The following TM4SF4 variants were observed in gnomAD, a reference collection of about 807,000 sequenced individuals.
TM4SF4 encodes transmembrane 4 L six family member 4, also known as transmembrane 4 L6 family member 4.
TM4SF4 carries 24 observed loss-of-function variants against 24.1 expected under a neutral mutation model. The ratio of observed to expected loss-of-function variants is 1.00; its 90% confidence interval spans 0.72 to 1.40. The LOEUF (loss-of-function observed/expected upper bound fraction) is 1.40. Among genes scored for constraint, TM4SF4 ranks in the 40% most tolerant of loss-of-function variants. The pLI is 0.00. For synonymous variants in TM4SF4, 113 were observed against 97.0 expected (o/e 1.17, Z -0.97); for missense variants, 254 against 254.2 (o/e 1.00, Z 0.01).
Position 149,501,427 on chromosome 3 carries a change from A to C in TM4SF4, c.592-1249A>C, listed in dbSNP as rs185191235. Reference sequence around the variant, plus strand: ...CTTCAAATCTACATAAAGTTGAAGGAATGGTGCAATGAACACCTGTATACT... The same window carrying C: ...CTTCAAATCTACATAAAGTTGAAGGCATGGTGCAATGAACACCTGTATACT... On this transcript the variant is annotated intron_variant, in intron 4 of 4. Transcript: ENST00000305354. Among the ~76,000 whole-genome samples the C allele has an allele frequency of 4.5e-3, 686 of 152,346 alleles. 2 individuals carry two copies. The highest frequency in any genetic ancestry group is 6.1e-3 in the Non-Finnish European group (412 of 68,034).
chr3:149,502,065 A>G (rs187976648), intron 4 of TM4SF4, among the ~76,000 whole-genome samples: 32 of 152,340 alleles, frequency 2.1e-4, no homozygotes, highest in African/African-American at 7.2e-4. Context: ...AAGGCTCAGT[A>G]AATGGCATTG....
rs748715174 is a variant in TM4SF4, at chr3:149,475,883, G to A, written c.235G>A (p.Gly79Ser). 55 of 1,612,794 alleles carry A rather than the reference G, an allele frequency of 3.4e-5. No individual in the cohort carries two copies. Among genetic ancestry groups the A allele is most frequent in the Non-Finnish European group, 4.3e-5 (51 of 1,179,568 alleles). Residue 79 changes from glycine (G) to serine (S), a missense_variant, in exon 2 of 5, where the codon GGC (glycine) becomes AGC (serine). Gly to Ser is a moderately conservative substitution (Grantham distance 56). Coordinates refer to ENST00000305354, the MANE Select transcript of TM4SF4 (RefSeq NM_004617.4). ...LKNNDCCGCC[G>S]NEGCGKRFAM... ...GAACAATGACTGCTGTGGGTGCTGC[G>A]GCAACGAGGGCTGTGGGAAGCGATT...
At chr3:149,479,967 G>A (rs893508509) in intron 2 of TM4SF4, among the ~76,000 whole-genome samples, 1 of 152,178 alleles carries the variant, frequency 6.6e-6, no homozygotes, top group Non-Finnish European at 1.5e-5. Flanking sequence ...AAGACAATAA[G>A]CTGGAAAGAA....
intron 3 of TM4SF4, among the ~76,000 whole-genome samples, chr3:149,497,458 A>G (rs1054167183): frequency 5.3e-5 from 8 of 152,220 alleles, no homozygotes; most frequent in African/African-American, 1.9e-4. Context: ...AAACAATAAC[A>G]TCAACATTAA....
At chr3:149,482,313 C>G (rs2107868196) in intron 2 of TM4SF4, among the ~76,000 whole-genome samples, 1 of 152,308 alleles carries the variant, frequency 6.6e-6, no homozygotes, top group East Asian at 1.9e-4. Flanking sequence ...TAGTGTCCTT[C>G]TTCACCATTT....
At chr3:149,498,966 A>G in intron 4 of TM4SF4, 55 bp downstream of exon 4, 1 of 1,591,172 alleles carries the variant, frequency 6.3e-7, no homozygotes, top group Non-Finnish European at 8.6e-7. Context: ...AGGTCAGGCC[A>G]CTAGCATAAG....
chr3:149,475,203 C>T (rs1449330593), intron 1 of TM4SF4, among the ~76,000 whole-genome samples, 152 bp downstream of exon 1: 1 of 152,050 alleles, frequency 6.6e-6, no homozygotes, highest in Non-Finnish European at 1.5e-5. Flanking sequence ...ATTTTTTTCT[C>T]GTTTCTGTTA....
rs369594011 is a variant in TM4SF4 at position 149,484,606 on chromosome 3, C to A, written c.265-3013C>A. On this transcript the variant is annotated intron_variant, in intron 2 of 4. Coordinates refer to ENST00000305354, the MANE Select transcript of TM4SF4 (RefSeq NM_004617.4). ...TCGTTCTGTTGCCCAGGCTGGAGTG[C>A]AGTAGCGTGATCTCAGCTCACTGCC... 8.9e-4 allele frequency among the ~76,000 whole-genome samples: 132 copies of A among 149,086 alleles called. 3 individuals are homozygous for A. The South Asian group carries it at 0.026, about 29-fold the overall frequency.
chr3:149,484,223 A>G (rs980814973), intron 2 of TM4SF4, among the ~76,000 whole-genome samples: 1 of 152,218 alleles, frequency 6.6e-6, no homozygotes, highest in Non-Finnish European at 1.5e-5. Flanking sequence ...TTATGTGTCT[A>G]TGCATGATGT....
At chr3:149,475,991 G>A (rs1733922542) in intron 2 of TM4SF4, 79 bp downstream of exon 2, 1 of 1,264,746 alleles carries the variant, frequency 7.9e-7, no homozygotes, top group Non-Finnish European at 1.1e-6. Flanking sequence ...TGGGGATGGA[G>A]ACAAGTTATC....
At chr3:149,486,156 C>T (rs1270997108) in intron 2 of TM4SF4, among the ~76,000 whole-genome samples, 2 of 152,176 alleles carry the variant, frequency 1.3e-5, no homozygotes, top group African/African-American at 4.8e-5. Flanking sequence ...AACCTTACCC[C>T]ATCCCAGATA....
intron 2 of TM4SF4, among the ~76,000 whole-genome samples, chr3:149,481,377 C>T (rs547061813): frequency 1.3e-5 from 2 of 152,120 alleles, no homozygotes; most frequent in South Asian, 2.1e-4. Flanking sequence ...GGAGAGGAAA[C>T]GGGCTTCCAT....
chr3:149,489,593 G>A (rs1390048131), intron 3 of TM4SF4, among the ~76,000 whole-genome samples: 1 of 152,212 alleles, frequency 6.6e-6, no homozygotes, highest in Non-Finnish European at 1.5e-5. Flanking sequence ...CCAAGATCAG[G>A]AGTGACAGCT....
intron 2 of TM4SF4, among the ~76,000 whole-genome samples, chr3:149,480,082 A>C (rs576895167): frequency 6.6e-6 from 1 of 152,294 alleles, no homozygotes; most frequent in African/African-American, 2.4e-5. Flanking sequence ...CGCTCTTTCA[A>C]ATAAATTAGG....
In TM4SF4 at chr3:149,475,906, AT is replaced by A; in HGVS notation, c.261del (p.Phe87LeufsTer71). 6.2e-7 allele frequency: 1 copy of A among 1,611,218 alleles called. No individual in the cohort carries two copies. The highest frequency in any genetic ancestry group is 8.5e-7 in the Non-Finnish European group (1 of 1,178,752). On this transcript the variant is annotated frameshift_variant, in exon 2 of 5. Transcript: ENST00000305354. LOFTEE classifies it high-confidence loss of function. ...GCGGCAACGAGGGCTGTGGGAAGCG[AT>A]TTGCGGTGAGTTACCATGGGGGGCA... ...CCGNEGCGKR[F>X]AMFTSTIFAV...
intron 2 of TM4SF4, among the ~76,000 whole-genome samples, chr3:149,480,898 C>G (rs1734022101): frequency 6.6e-6 from 1 of 151,896 alleles, no homozygotes; most frequent in African/African-American, 2.4e-5. Flanking sequence ...CACTGTTGCC[C>G]GGGCTGGTGT....
At chr3:149,486,904 T>G (rs1015188106) in intron 2 of TM4SF4, among the ~76,000 whole-genome samples, 1 of 152,158 alleles carries the variant, frequency 6.6e-6, no homozygotes, top group Non-Finnish European at 1.5e-5. Flanking sequence ...AACCTGCCTG[T>G]CACATGAGAC....
At position 149,498,890 on chromosome 3, in the gene TM4SF4, C is replaced by T. The variant is rs778212112; in HGVS notation, c.570C>T (p.Cys190=). The T allele has an allele frequency of 6.2e-7, 1 of 1,613,844 alleles. No individual in the cohort carries two copies. The highest frequency in any genetic ancestry group is 1.7e-5 in the Admixed American group (1 of 60,014). The change falls in exon 4 of 5, where the codon TGC becomes TGT. Residue 190 remains cysteine (C), a synonymous_variant. Transcript: ENST00000305354. ...TCCTGGGGACCCTCTGTGGGGACTG[C>T]CAGTGTTGTGGCTGCTGTGGGGTAA... ...NGLLGTLCGD[C]QCCGCCGGDG...
At chr3:149,501,212 T>C (rs1734417224) in intron 4 of TM4SF4, among the ~76,000 whole-genome samples, 1 of 152,202 alleles carries the variant, frequency 6.6e-6, no homozygotes, top group Admixed American at 6.5e-5. Flanking sequence ...ACTTAATAAC[T>C]GAGTCACTCG....
Sources: gnomAD v4.1 joint callset for allele counts (sites outside exome capture counted in the v4.1 genomes callset) on GRCh38, gnomAD v4.1.1 for gene constraint, MANE v1.5 for transcripts, NCBI Gene and HGNC (gene_info 2026-07-23, HGNC 2026-07-21) for gene names.